TMCO6: variants seen among roughly 807,000 people sequenced by gnomAD.
TMCO6 encodes transmembrane and coiled-coil domain-containing protein 6.
In TMCO6, 47 loss-of-function variants were observed where a neutral mutation model predicts 61.8. The observed-to-expected ratio is 0.76, with a 90% confidence interval of 0.60 to 0.97. TMCO6 has a LOEUF of 0.97. TMCO6 is among the 50% of genes least tolerant of loss of function. The probability of loss-of-function intolerance (pLI) is 0.00; values close to 1 mark genes in which losing one functional copy is unlikely to be tolerated. For synonymous variants in TMCO6, 261 were observed against 254.2 expected, an observed-to-expected ratio of 1.03 and a Z score of -0.25; for missense variants, 557 against 601.6, an observed-to-expected ratio of 0.93 and a Z score of 0.78.
chr5:140,625,340 C>A, the TMCO6 span, among the ~76,000 whole-genome samples: 10 of 152,188 alleles, frequency 6.6e-5, no homozygotes, highest in Admixed American at 5.2e-4. Flanking sequence ...TTCACAGTGG[C>A]CTGTGAGCCT....
At chr5:140,624,239 C>A in the TMCO6 span, among the ~76,000 whole-genome samples, 1 of 152,000 alleles carries the variant, frequency 6.6e-6, no homozygotes, top group Admixed American at 6.6e-5. Context: ...GTGGTGCCTG[C>A]CTGTAATCCC....
chr5:140,601,921 A>T, the TMCO6 span, among the ~76,000 whole-genome samples: 2 of 152,198 alleles, frequency 1.3e-5, no homozygotes, highest in East Asian at 3.8e-4. Context: ...GAATATTTTT[A>T]AGCGAATACA....
chr5:140,642,284 C>T, intron 4 of TMCO6, 31 bp from the exon 5 acceptor site: 1 of 1,576,402 alleles, frequency 6.3e-7, no homozygotes, highest in Non-Finnish European at 8.6e-7. Context: ...TGAAACAGGC[C>T]AAGCCCAGTG....
downstream of TMCO6, chr5:140,645,495 T>C (rs60313457): frequency 6.0e-4 from 895 of 1,504,042 alleles, 2 homozygotes; most frequent in African/African-American, 0.011. Context: ...ACAAGCTTTA[T>C]GAGGAATAGG....
rs1382976932 is a variant in TMCO6, at chr5:140,645,384, A to G, written c.*286A>G. 1 of 800,024 alleles carries G rather than the reference A, an allele frequency of 1.2e-6. No individual in the cohort carries two copies. Among genetic ancestry groups the G allele is most frequent in the Non-Finnish European group, 2.1e-6 (1 of 477,174 alleles). 49.6% of individuals were successfully genotyped at this position (800,024 alleles called of 1,614,324 possible). ...CTGGTAGCTTTTGATGAGACAGAATAAAGTTTTATTTTTATATTAAGCTAC... is the reference window on the plus strand; with the variant it reads ...CTGGTAGCTTTTGATGAGACAGAATGAAGTTTTATTTTTATATTAAGCTAC... On this transcript the variant is annotated 3_prime_UTR_variant, in exon 12 of 12. Transcript: ENST00000394671.
the TMCO6 span, chr5:140,632,747 C>A: frequency 3.7e-6 from 6 of 1,613,360 alleles, no homozygotes; most frequent in South Asian, 1.1e-5. The surrounding 1 kb of genome is among the most constrained non-coding windows in gnomAD (Gnocchi z 6.2). Flanking sequence ...CATACTGCCG[C>A]GGGTCGGCGT....
At chr5:140,631,998 T>C in the TMCO6 span, 2 of 1,614,046 alleles carry the variant, frequency 1.2e-6, no homozygotes, top group Non-Finnish European at 1.7e-6. Flanking sequence ...CAGGAAGGGA[T>C]TCCCGTCCAG....
At chr5:140,600,085 C>A in the TMCO6 span, among the ~76,000 whole-genome samples, 1 of 152,118 alleles carries the variant, frequency 6.6e-6, no homozygotes, top group Non-Finnish European at 1.5e-5. Context: ...TTATGGAGCT[C>A]TTCCAGGCAC....
chr5:140,614,688 C>T, the TMCO6 span, among the ~76,000 whole-genome samples: 1 of 151,774 alleles, frequency 6.6e-6, no homozygotes, highest in Non-Finnish European at 1.5e-5. Flanking sequence ...GATCTTGGCT[C>T]ACTGCAAGCT....
At chr5:140,605,024 G>A in the TMCO6 span, among the ~76,000 whole-genome samples, 1 of 151,960 alleles carries the variant, frequency 6.6e-6, no homozygotes, top group African/African-American at 2.4e-5. Flanking sequence ...TTTCAGCAAT[G>A]TTTTCTAGTT....
chr5:140,623,654 A>G, the TMCO6 span, among the ~76,000 whole-genome samples: 2 of 152,244 alleles, frequency 1.3e-5, no homozygotes, highest in South Asian at 2.1e-4. Context: ...TGATTTCATC[A>G]AGTCTTATAA....
At chr5:140,616,873 T>C in the TMCO6 span, among the ~76,000 whole-genome samples, 1 of 149,488 alleles carries the variant, frequency 6.7e-6, no homozygotes, top group African/African-American at 2.5e-5. Context: ...TGATGAACTC[T>C]ATCTCTACAA....
chr5:140,634,486 T>A (rs933873529), upstream of TMCO6, among the ~76,000 whole-genome samples: 2 of 146,510 alleles, frequency 1.4e-5, no homozygotes, highest in Non-Finnish European at 1.5e-5. Flanking sequence ...GAAAGTCTTT[T>A]TTTTTTTTTT....
At position 140,644,601 on chromosome 5, in the gene TMCO6, A is replaced by T. The variant is rs1171836247; in HGVS notation, c.1229A>T (p.Glu410Val). 6.2e-7 allele frequency: 1 copy of T among 1,614,132 alleles called. No homozygotes were observed. Among genetic ancestry groups the T allele is most frequent in the Non-Finnish European group, 8.5e-7 (1 of 1,180,050 alleles). The change falls in exon 11 of 12, where the codon GAA becomes GTA. Residue 410 changes from glutamate to valine, a missense_variant. Coordinates refer to ENST00000394671, the MANE Select transcript of TMCO6 (RefSeq NM_018502.5). Reference protein sequence around the residue: ...MVLTVLCNVAEKGPAYCQRLW... With the variant: ...MVLTVLCNVAVKGPAYCQRLW... ...CTCACAGTTCTGTGCAATGTTGCAGAAAAGGGTCCTGCTTACTGCCAGCGG... is the reference window on the plus strand; with the variant it reads ...CTCACAGTTCTGTGCAATGTTGCAGTAAAGGGTCCTGCTTACTGCCAGCGG...
rs979327039 is a variant in TMCO6 at position 140,642,420 on chromosome 5, G to A, written c.603+1G>A. ...TCCAGCCTTGGCTGCCTGCATCCAG[G>A]TGACTCCTTTCTTCCTCCCTGGGCA... On this transcript the variant is annotated splice_donor_variant, in intron 5 of 11. Transcript: ENST00000394671. LOFTEE classifies it high-confidence loss of function. The A allele has an allele frequency of 2.5e-6, 4 of 1,612,128 alleles. No homozygotes were observed. Among genetic ancestry groups the A allele is most frequent in the African/African-American group, 1.3e-5 (1 of 74,920 alleles).
chr5:140,643,383 GA>G (rs1300090322), intron 7 of TMCO6, 180 bp from the exon 8 acceptor site: 1 of 670,384 alleles, frequency 1.5e-6, no homozygotes. Flanking sequence ...TTCTAATAGA[GA>G]CGGAGTTTCG....
chr5:140,633,002 AG>A, the TMCO6 span: 1 of 1,614,150 alleles, frequency 6.2e-7, no homozygotes, highest in South Asian at 1.1e-5. Context: ...GCAGAGGTCT[AG>A]GAGGCCCCAT....
At chr5:140,596,927 G>A in the TMCO6 span, among the ~76,000 whole-genome samples, 1 of 152,302 alleles carries the variant, frequency 6.6e-6, no homozygotes, top group East Asian at 1.9e-4. Flanking sequence ...ATTTGTGTGA[G>A]GGTGTTGTGT....
chr5:140,647,300 A>G (rs767860186), downstream of TMCO6: 6 of 1,581,984 alleles, frequency 3.8e-6, no homozygotes, highest in African/African-American at 6.7e-5. Context: ...GCATTCGCGG[A>G]TTAGGATGGG....
Sources: allele counts gnomAD v4.1 joint callset (sites outside exome capture counted in the v4.1 genomes callset), GRCh38; gene constraint gnomAD v4.1.1; non-coding constraint Gnocchi (gnomAD v3.1); transcripts MANE v1.5; gene names NCBI Gene and HGNC (gene_info 2026-07-23, HGNC 2026-07-21).